The following ACBD6 variants were observed in gnomAD, a reference collection of about 807,000 sequenced individuals.
The protein encoded by ACBD6 is acyl-CoA-binding domain-containing protein 6.
ACBD6 carries 28 observed loss-of-function variants against 37.2 expected under a neutral mutation model. The observed-to-expected ratio is 0.75, with a 90% CI of 0.56 to 1.03. The LOEUF is 1.03. ACBD6 is among the 50% of genes least tolerant of loss of function. The pLI is 0.00. For missense variants in ACBD6, 340 were observed against 337.4 expected, an observed-to-expected ratio of 1.01 and a Z score of -0.06; for synonymous variants, 113 against 126.8, an observed-to-expected ratio of 0.89 and a Z score of 0.73.
At chr1:180,439,627 C>T (rs1374468294) in intron 3 of ACBD6, among the ~76,000 whole-genome samples, 1 of 151,970 alleles carries the variant, frequency 6.6e-6, no homozygotes, top group Non-Finnish European at 1.5e-5. Context: ...TTTTTGACTC[C>T]CTAGTCCACA....
At chr1:180,486,562 G>T (rs1271799315) in intron 3 of ACBD6, among the ~76,000 whole-genome samples, 1 of 152,172 alleles carries the variant, frequency 6.6e-6, no homozygotes, top group African/African-American at 2.4e-5. Flanking sequence ...GGCAGAAAGG[G>T]AAAGTCCATC....
At position 180,374,645 on chromosome 1, in the gene ACBD6, C is replaced by CAA. The variant is rs1480951725; in HGVS notation, c.663+22870_663+22871insTT. 8.3e-4 allele frequency among the ~76,000 whole-genome samples: 126 copies of CAA among 152,262 alleles called. 1 individual carries two copies. Among genetic ancestry groups the CAA allele is most frequent in the Non-Finnish European group, 1.2e-4 (8 of 68,004 alleles). ...TTTAGAAAATCAACAGGTGACTTAA[C>CAA]ACATTAGCCCAGACTTTTCAAAAGA... On this transcript the variant is annotated intron_variant, in intron 6 of 7. Coordinates refer to ENST00000367595, the MANE Select transcript of ACBD6 (RefSeq NM_032360.4).
At chr1:180,475,987 G>GA (rs2102063733) in intron 3 of ACBD6, among the ~76,000 whole-genome samples, 1 of 152,184 alleles carries the variant, frequency 6.6e-6, no homozygotes, top group Non-Finnish European at 1.5e-5. Flanking sequence ...TCAACCTAAG[G>GA]AAAAACGGGA....
At position 180,418,839 on chromosome 1, in the gene ACBD6, C is replaced by T. The variant is rs951213232; in HGVS notation, c.468-5368G>A. Among the ~76,000 whole-genome samples the T allele has an allele frequency of 3.9e-5, 6 of 152,196 alleles. No homozygotes were observed. In the East Asian group the frequency reaches 9.6e-4, roughly 24 times the overall value. ...AAATAGTACCTCCTTTCTGAAAAAC[C>T]TTGGTTTAATCCCTGGAAGAGGCAA... On this transcript the variant is annotated intron_variant, in intron 4 of 7. Coordinates refer to ENST00000367595, the MANE Select transcript of ACBD6 (RefSeq NM_032360.4).
At chr1:180,436,660 G>A (rs1649050427) in intron 3 of ACBD6, among the ~76,000 whole-genome samples, 1 of 152,088 alleles carries the variant, frequency 6.6e-6, no homozygotes, top group Non-Finnish European at 1.5e-5. Context: ...GACTTCTGTT[G>A]TATTCTCACC....
intron 7 of ACBD6, among the ~76,000 whole-genome samples, chr1:180,303,009 G>C (rs1227238287): frequency 6.6e-6 from 1 of 152,012 alleles, no homozygotes; most frequent in Non-Finnish European, 1.5e-5. Flanking sequence ...ATGACTATTG[G>C]GTACAAAACG....
intron 6 of ACBD6, among the ~76,000 whole-genome samples, chr1:180,377,722 TG>T (rs776908735): frequency 6.6e-6 from 1 of 151,852 alleles, no homozygotes; most frequent in East Asian, 1.9e-4. Flanking sequence ...CCAAGGTGGG[TG>T]GATCACCTGA....
chr1:180,335,693 T>C (rs1350894871), intron 6 of ACBD6, among the ~76,000 whole-genome samples: 2 of 148,294 alleles, frequency 1.3e-5, no homozygotes, highest in Non-Finnish European at 3.0e-5. Context: ...GGCTAAATGC[T>C]CCAATTAAAA....
intron 6 of ACBD6, among the ~76,000 whole-genome samples, chr1:180,347,495 T>A (rs1445625135): frequency 6.6e-6 from 1 of 151,162 alleles, no homozygotes; most frequent in Non-Finnish European, 1.5e-5. Flanking sequence ...GCCTCCCGAG[T>A]AGCAAGGATT....
intron 6 of ACBD6, among the ~76,000 whole-genome samples, chr1:180,321,741 A>G (rs1164676153): frequency 6.6e-6 from 1 of 152,120 alleles, no homozygotes; most frequent in African/African-American, 2.4e-5. Flanking sequence ...GAATTTGTTT[A>G]TCAGTTCTAA....
intron 5 of ACBD6, among the ~76,000 whole-genome samples, chr1:180,402,787 C>A (rs1385922878): frequency 7.1e-6 from 1 of 141,522 alleles, no homozygotes; most frequent in Non-Finnish European, 1.6e-5. Context: ...AACACAGTGA[C>A]ACTCTGTCTC....
chr1:180,274,628 T>C, intron 10 of ACBD6: 1 of 1,501,960 alleles, frequency 6.7e-7, no homozygotes, highest in Non-Finnish European at 8.9e-7. Context: ...AGAGAATATC[T>C]TCAAGGATCA....
chr1:180,393,241 AG>A (rs1397800707), intron 6 of ACBD6, among the ~76,000 whole-genome samples: 3 of 152,250 alleles, frequency 2.0e-5, no homozygotes, highest in Non-Finnish European at 1.5e-5. Context: ...AAATCTATAC[AG>A]CATCTTTCTT....
At chr1:180,304,592 G>T (rs904861118) in intron 7 of ACBD6, among the ~76,000 whole-genome samples, 17 of 150,598 alleles carry the variant, frequency 1.1e-4, no homozygotes, top group East Asian at 1.9e-4. Context: ...CACTGCTCAA[G>T]GAAATAAAAG....
intron 5 of ACBD6, among the ~76,000 whole-genome samples, chr1:180,403,283 G>A (rs1169277946): frequency 6.6e-6 from 1 of 152,132 alleles, no homozygotes; most frequent in African/African-American, 2.4e-5. Context: ...ACAGGTATAT[G>A]TATTTGTCAA....
intron 3 of ACBD6, among the ~76,000 whole-genome samples, chr1:180,473,474 C>T (rs1196701412): frequency 2.0e-5 from 3 of 150,008 alleles, no homozygotes; most frequent in East Asian, 1.9e-4. Context: ...AACTTTTACA[C>T]GAGTCAAATT....
chr1:180,338,513 C>A (rs1045224148), intron 6 of ACBD6, among the ~76,000 whole-genome samples: 5 of 152,156 alleles, frequency 3.3e-5, no homozygotes, highest in South Asian at 2.1e-4. Context: ...CTTACACCTT[C>A]TACAAAAATT....
intron 5 of ACBD6, among the ~76,000 whole-genome samples, chr1:180,404,359 CTA>C (rs1309474744): frequency 6.6e-6 from 1 of 152,092 alleles, no homozygotes; most frequent in African/African-American, 2.4e-5. Context: ...CGGGATCTCA[CTA>C]TGTTGCTCAG....
chr1:180,478,840 C>A (rs764083311), intron 3 of ACBD6, among the ~76,000 whole-genome samples: 2 of 152,084 alleles, frequency 1.3e-5, no homozygotes, highest in Non-Finnish European at 2.9e-5. Context: ...TTTCAGATAT[C>A]CATTTGGCTG....
Sources: allele counts gnomAD v4.1 joint callset (sites outside exome capture counted in the v4.1 genomes callset), GRCh38; gene constraint gnomAD v4.1.1; transcripts MANE v1.5; gene names NCBI Gene and HGNC (gene_info 2026-07-23, HGNC 2026-07-21).